Variants in SGMS1 observed in about 807,000 individuals in gnomAD.
SGMS1 encodes the protein sphingomyelin synthase 1.
Under a neutral mutation model 46.2 loss-of-function variants are expected in SGMS1, and 13 were observed. The observed-to-expected ratio is 0.28, with a 90% CI of 0.18 to 0.45. The LOEUF is 0.45. Ranked by LOEUF, SGMS1 falls within the 20% of genes least tolerant of loss-of-function variation. The pLI is 1.00. For missense variants in SGMS1, 324 were observed against 519.9 expected (o/e 0.62, Z 3.66); for synonymous variants, 203 against 187.8 (o/e 1.08, Z -0.66).
intron 5 of SGMS1, among the ~76,000 whole-genome samples, chr10:50,434,144 A>G (rs545496694): frequency 1.3e-5 from 2 of 152,362 alleles, no homozygotes; most frequent in East Asian, 3.9e-4. Context: ...ACAGAATAAT[A>G]AAATATGGCC....
At chr10:50,516,400 A>G (rs905781014) in intron 3 of SGMS1, among the ~76,000 whole-genome samples, 1 of 152,238 alleles carries the variant, frequency 6.6e-6, no homozygotes, top group Non-Finnish European at 1.5e-5. Flanking sequence ...ATCCACAGGC[A>G]GAGACCCACA....
intron 3 of SGMS1, among the ~76,000 whole-genome samples, chr10:50,470,441 G>A (rs1024247614): frequency 6.6e-6 from 1 of 151,204 alleles, no homozygotes. Flanking sequence ...CCTTTCTTCT[G>A]CTTGGAGGAG....
intron 3 of SGMS1, among the ~76,000 whole-genome samples, chr10:50,507,346 C>G (rs1837715855): frequency 6.6e-6 from 1 of 152,228 alleles, no homozygotes; most frequent in Middle Eastern, 3.2e-3. Flanking sequence ...GTTCACACAA[C>G]AAGCCCCTTT....
intron 2 of SGMS1, among the ~76,000 whole-genome samples, chr10:50,561,231 T>G (rs193020401): frequency 2.8e-4 from 43 of 152,378 alleles, no homozygotes; most frequent in Admixed American, 1.8e-3. Flanking sequence ...TACCGTGTTT[T>G]GGGCACCAGT....
At chr10:50,353,656 T>C (rs1456072488) in intron 6 of SGMS1, among the ~76,000 whole-genome samples, 1 of 152,298 alleles carries the variant, frequency 6.6e-6, no homozygotes, top group Non-Finnish European at 1.5e-5. Flanking sequence ...ATTGTCCCTG[T>C]TTGCAGATGA....
intron 2 of SGMS1, among the ~76,000 whole-genome samples, chr10:50,573,030 C>A (rs1588880865): frequency 6.6e-6 from 1 of 152,152 alleles, no homozygotes; most frequent in Admixed American, 6.5e-5. Flanking sequence ...TAACAAAATT[C>A]AACAGGATGT....
intron 6 of SGMS1, among the ~76,000 whole-genome samples, chr10:50,426,687 A>AC (rs11390301): frequency 0.83 from 126,740 of 152,066 alleles, 52,991 homozygotes; most frequent in East Asian, 1. Flanking sequence ...AACAGAAAAC[A>AC]CCAGAATTCA....
intron 6 of SGMS1, among the ~76,000 whole-genome samples, chr10:50,382,591 AC>A (rs1224753565): frequency 1.3e-5 from 2 of 149,240 alleles, no homozygotes; most frequent in Non-Finnish European, 3.0e-5. Flanking sequence ...ACACACACAC[AC>A]AACTTCCCCA....
In SGMS1 at chr10:50,306,979, G is replaced by C; in HGVS notation, c.*163C>G. ...ATTGTTGTCCAACGCAGGTCCTTTGGAGAGAAAAAAAGATCACAGTGCTGA... is the reference window on the plus strand; with the variant it reads ...ATTGTTGTCCAACGCAGGTCCTTTGCAGAGAAAAAAAGATCACAGTGCTGA... On this transcript the variant is annotated 3_prime_UTR_variant, in exon 11 of 11. Coordinates refer to ENST00000361781, the MANE Select transcript of SGMS1 (RefSeq NM_147156.4). 4.5e-6 allele frequency: 3 copies of C among 673,032 alleles called. No homozygotes were observed. The highest frequency in any genetic ancestry group is 2.8e-5 in the East Asian group (1 of 36,348). The allele number at this position is 673,032 out of a possible 1,614,324, so 41.7% of individuals were successfully genotyped here. A position where few individuals can be genotyped will look rare whatever the true frequency, so the allele number is the denominator to read the frequency against.
intron 2 of SGMS1, among the ~76,000 whole-genome samples, chr10:50,579,328 CAG>C (rs1442640389): frequency 2.6e-5 from 4 of 151,802 alleles, no homozygotes; most frequent in Admixed American, 1.3e-4. Context: ...CCAGAAAGAA[CAG>C]AGAGAACAGA....
At chr10:50,348,945 C>A (rs961948327) in intron 6 of SGMS1, among the ~76,000 whole-genome samples, 5 of 152,178 alleles carry the variant, frequency 3.3e-5, no homozygotes, top group African/African-American at 1.2e-4. Context: ...ACCAAAACAG[C>A]ATGGTACTGG....
intron 6 of SGMS1, among the ~76,000 whole-genome samples, chr10:50,433,158 A>C (rs1055411239): frequency 2.0e-5 from 3 of 152,226 alleles, no homozygotes; most frequent in African/African-American, 7.2e-5. Context: ...ATATCTGCAT[A>C]TCCTAAGGGT....
intron 2 of SGMS1, among the ~76,000 whole-genome samples, chr10:50,527,894 C>T (rs956548153): frequency 3.9e-5 from 6 of 152,268 alleles, no homozygotes; most frequent in South Asian, 2.1e-4. Context: ...GGTCCTCCAA[C>T]GGCAGCTCTG....
intron 2 of SGMS1, among the ~76,000 whole-genome samples, chr10:50,562,459 G>A (rs1838249021): frequency 6.6e-6 from 1 of 152,110 alleles, no homozygotes; most frequent in Non-Finnish European, 1.5e-5. Context: ...TGACACAGGT[G>A]GTTGGTAGAC....
At chr10:50,398,536 A>G (rs1156584628) in intron 6 of SGMS1, among the ~76,000 whole-genome samples, 3 of 152,168 alleles carry the variant, frequency 2.0e-5, no homozygotes, top group African/African-American at 7.2e-5. Context: ...TTGGGATGTG[A>G]TGTCATAAGT....
chr10:50,402,437 G>C (rs1475303596), intron 6 of SGMS1, among the ~76,000 whole-genome samples: 3 of 152,104 alleles, frequency 2.0e-5, no homozygotes, highest in Admixed American at 6.5e-5. Flanking sequence ...CAAGAAAAAG[G>C]GGCCACGATC....
chr10:50,470,431 C>T (rs538052132), intron 3 of SGMS1, among the ~76,000 whole-genome samples: 88 of 151,776 alleles, frequency 5.8e-4, no homozygotes, highest in African/African-American at 2.1e-3. Context: ...ACCTTTTCTT[C>T]CTTTCTTCTG....
chr10:50,416,837 T>TA (rs36028635), intron 6 of SGMS1, among the ~76,000 whole-genome samples: 70,353 of 116,650 alleles, frequency 0.6, 21,674 homozygotes, highest in Non-Finnish European at 0.67. Flanking sequence ...TTTATAGAAC[T>TA]AAAAAAAAAA....
chr10:50,371,272 G>A (rs2688875), intron 6 of SGMS1, among the ~76,000 whole-genome samples: 48,567 of 151,856 alleles, frequency 0.32, 8,221 homozygotes, highest in South Asian at 0.41. Context: ...GTTATGCCAC[G>A]CATGACTCTC....
Sources: gnomAD v4.1 joint callset for allele counts (sites outside exome capture counted in the v4.1 genomes callset) on GRCh38, gnomAD v4.1.1 for gene constraint, MANE v1.5 for transcripts, NCBI Gene and HGNC (gene_info 2026-07-23, HGNC 2026-07-21) for gene names.